Variants in PHLPP1 observed in about 807,000 individuals in gnomAD.
PHLPP1 encodes PH domain and leucine rich repeat protein phosphatase 1.
PHLPP1 carries 42 observed loss-of-function variants against 117.2 expected under a neutral mutation model. The observed-to-expected ratio is 0.36, with a 90% confidence interval of 0.28 to 0.46. The LOEUF is 0.46. Ranked by LOEUF, PHLPP1 falls within the 20% of genes least tolerant of loss-of-function variation. PHLPP1 has a pLI of 1.00. For synonymous variants in PHLPP1, 1,042 were observed against 970.7 expected, an observed-to-expected ratio of 1.07 and a Z score of -1.37; for missense variants, 2,084 against 2,241.9, an observed-to-expected ratio of 0.93 and a Z score of 1.42.
At chr18:62,866,239 T>C (rs887848602) in intron 4 of PHLPP1, among the ~76,000 whole-genome samples, 12 of 151,778 alleles carry the variant, frequency 7.9e-5, no homozygotes, top group African/African-American at 2.9e-4. Flanking sequence ...TTTTTGTTTT[T>C]GTGTTTTTTG....
chr18:62,927,254 G>T (rs558148415), intron 10 of PHLPP1, among the ~76,000 whole-genome samples: 1 of 151,946 alleles, frequency 6.6e-6, no homozygotes, highest in African/African-American at 2.4e-5. Flanking sequence ...ATATAGCATC[G>T]AACTAAGAAA....
chr18:62,816,657 C>T (rs1914284718), intron 1 of PHLPP1, among the ~76,000 whole-genome samples: 2 of 152,012 alleles, frequency 1.3e-5, no homozygotes, highest in Admixed American at 1.3e-4. Context: ...CTTTTGAAAT[C>T]TTTGCCAATT....
At chr18:62,778,336 A>G (rs1352451391) in intron 1 of PHLPP1, among the ~76,000 whole-genome samples, 2 of 152,190 alleles carry the variant, frequency 1.3e-5, no homozygotes, top group Non-Finnish European at 2.9e-5. Context: ...TTTGGGTGCT[A>G]TGTTGTTTTT....
At chr18:62,788,948 A>T (rs149250988) in intron 1 of PHLPP1, among the ~76,000 whole-genome samples, 66 of 152,320 alleles carry the variant, frequency 4.3e-4, no homozygotes, top group African/African-American at 1.0e-3. Context: ...GTTTAAAAAA[A>T]AATAATAAAA....
intron 10 of PHLPP1, among the ~76,000 whole-genome samples, chr18:62,924,688 A>G (rs985851640): frequency 4.1e-5 from 6 of 147,952 alleles, no homozygotes; most frequent in East Asian, 2.1e-4. Context: ...AAAAAAAAAA[A>G]AAAAAAAAAA....
At chr18:62,916,746 T>G (rs944615131) in intron 9 of PHLPP1, among the ~76,000 whole-genome samples, 1 of 118,866 alleles carries the variant, frequency 8.4e-6, no homozygotes, top group African/African-American at 3.2e-5. Context: ...TTCCTTCTAT[T>G]CTTTTTTTTT....
At chr18:62,865,257 T>C (rs1915742477) in intron 4 of PHLPP1, among the ~76,000 whole-genome samples, 1 of 152,150 alleles carries the variant, frequency 6.6e-6, no homozygotes, top group Admixed American at 6.5e-5. Context: ...TCCCAGTAGT[T>C]TGAGGCTGCG....
At chr18:62,720,492 A>G (rs58580105) in intron 1 of PHLPP1, among the ~76,000 whole-genome samples, 2 of 152,086 alleles carry the variant, frequency 1.3e-5, no homozygotes. Context: ...TATCCCTGTC[A>G]TATTTTATTT....
chr18:62,771,083 G>A (rs367601838), intron 1 of PHLPP1, among the ~76,000 whole-genome samples: 10 of 151,864 alleles, frequency 6.6e-5, no homozygotes, highest in African/African-American at 9.7e-5. Flanking sequence ...GCATGGTGGC[G>A]CACACCTGTA....
chr18:62,834,943 A>G (rs1032638694), intron 2 of PHLPP1, among the ~76,000 whole-genome samples: 2 of 151,926 alleles, frequency 1.3e-5, no homozygotes, highest in Non-Finnish European at 2.9e-5. Flanking sequence ...AGCATTTTTT[A>G]AAAAATCGTA....
chr18:62,715,767 T>TGCG lies in PHLPP1; in HGVS notation c.87_89dup (p.Ala40dup), dbSNP rs1910700215. ...GAGCTTCGGCTCCGGCGGCCGCCGC[T>TGCG]GCGGCAGCAGCAGCAGCAGCGGCGG... On this transcript the variant is annotated inframe_insertion, in exon 1 of 17. Coordinates refer to ENST00000262719, the MANE Select transcript of PHLPP1 (RefSeq NM_194449.4). 1 of 703,590 alleles carries TGCG rather than the reference T, an allele frequency of 1.4e-6. No individual in the cohort carries two copies. The highest frequency in any genetic ancestry group is 1.8e-6 in the Non-Finnish European group (1 of 568,588). The allele number at this position is 703,590 out of a possible 1,614,324, so 43.6% of individuals were successfully genotyped here.
intron 3 of PHLPP1, among the ~76,000 whole-genome samples, chr18:62,858,879 T>C (rs984623493): frequency 6.6e-6 from 1 of 152,210 alleles, no homozygotes; most frequent in African/African-American, 2.4e-5. Context: ...TAACATTTAT[T>C]GAGTGCTTTT....
chr18:62,770,211 A>G (rs1396119288), intron 1 of PHLPP1, among the ~76,000 whole-genome samples: 1 of 152,094 alleles, frequency 6.6e-6, no homozygotes, highest in Non-Finnish European at 1.5e-5. Context: ...CCTGGTTTCA[A>G]GCGATTCTCC....
chr18:62,766,076 A>T (rs866149282), intron 1 of PHLPP1, among the ~76,000 whole-genome samples: 287 of 21,526 alleles, frequency 0.013, 12 homozygotes, highest in East Asian at 0.054. Context: ...AAAAAAAAAA[A>T]ATATATATAT....
chr18:62,862,391 C>G (rs1915655156), intron 4 of PHLPP1, among the ~76,000 whole-genome samples: 1 of 152,258 alleles, frequency 6.6e-6, no homozygotes, highest in Admixed American at 6.5e-5. Flanking sequence ...AATATCACCA[C>G]TGATCTTATC....
chr18:62,944,528 G>A (rs1238158204), intron 11 of PHLPP1, among the ~76,000 whole-genome samples: 2 of 152,192 alleles, frequency 1.3e-5, no homozygotes, highest in Non-Finnish European at 2.9e-5. Flanking sequence ...GTGAATTTGG[G>A]CTCTGCCAGA....
At position 62,809,537 on chromosome 18, in the gene PHLPP1, A is replaced by G. The variant is rs1236919046; in HGVS notation, c.1577-20498A>G. On this transcript the variant is annotated intron_variant, in intron 1 of 16. Transcript: ENST00000262719. ...AACATGGTGAAACCTCATCTCTACT[A>G]AAAATACGAAAAAAATTAGCTGGGC... Among the ~76,000 whole-genome samples the G allele has an allele frequency of 2.6e-5, 4 of 152,140 alleles. No homozygotes were observed. In the East Asian group the frequency reaches 7.7e-4, roughly 29 times the overall value.
chr18:62,971,686 C>G (rs116453538), intron 14 of PHLPP1, among the ~76,000 whole-genome samples: 2,846 of 152,250 alleles, frequency 0.019, 92 homozygotes, highest in African/African-American at 0.064. Context: ...GGATTACTGA[C>G]CTGTGCTCTT....
At chr18:62,740,851 G>C (rs145378465) in intron 1 of PHLPP1, among the ~76,000 whole-genome samples, 276 of 152,214 alleles carry the variant, frequency 1.8e-3, no homozygotes, top group African/African-American at 6.5e-3. Context: ...GCACACCTTT[G>C]TAATCCCAGC....
Sources: allele counts gnomAD v4.1 joint callset (sites outside exome capture counted in the v4.1 genomes callset), GRCh38; gene constraint gnomAD v4.1.1; transcripts MANE v1.5; gene names NCBI Gene and HGNC (gene_info 2026-07-23, HGNC 2026-07-21).